SRFBP1: variants seen among roughly 807,000 people sequenced by gnomAD.
The protein encoded by SRFBP1 is serum response factor binding protein 1.
In SRFBP1, 47 loss-of-function variants were observed where a neutral mutation model predicts 45.5. That is an observed-to-expected ratio of 1.03 (90% CI 0.82 to 1.32). SRFBP1 has a LOEUF of 1.32. Ranked by LOEUF, SRFBP1 falls within the 40% of genes most tolerant of loss-of-function variation. SRFBP1 has a pLI of 0.00. For missense variants in SRFBP1, 621 were observed against 484.6 expected (o/e 1.28, Z -2.64); for synonymous variants, 203 against 166.3 (o/e 1.22, Z -1.70).
At chr5:121,988,225 A>G (rs1752554126) in intron 3 of SRFBP1, among the ~76,000 whole-genome samples, 1 of 152,208 alleles carries the variant, frequency 6.6e-6, no homozygotes, top group Non-Finnish European at 1.5e-5. Context: ...AAAGCAGAAT[A>G]CAAGGATTCT....
chr5:122,054,331 A>C (rs1754040103), intron 2 of SRFBP1, among the ~76,000 whole-genome samples: 1 of 152,114 alleles, frequency 6.6e-6, no homozygotes, highest in African/African-American at 2.4e-5. Context: ...CCTGTATTGG[A>C]GAGGTTTTCC....
At chr5:122,033,898 A>C (rs865774572) in intron 2 of SRFBP1, among the ~76,000 whole-genome samples, 1 of 134,654 alleles carries the variant, frequency 7.4e-6, no homozygotes, top group East Asian at 2.2e-4. Context: ...ATCTCGGCTC[A>C]CTGCAGCCTC....
intron 4 of SRFBP1, among the ~76,000 whole-genome samples, chr5:122,002,817 A>C (rs1752898217): frequency 6.6e-6 from 1 of 152,222 alleles, no homozygotes; most frequent in South Asian, 2.1e-4. Context: ...CTGAAGATTA[A>C]AAAGTTCTTT....
chr5:122,036,257 C>G (rs1004120589), intron 2 of SRFBP1, among the ~76,000 whole-genome samples: 1 of 152,092 alleles, frequency 6.6e-6, no homozygotes, highest in African/African-American at 2.4e-5. Context: ...ATGGTGAGTA[C>G]TCATCTGTGC....
downstream of SRFBP1, among the ~76,000 whole-genome samples, chr5:122,076,592 G>C (rs1754641996): frequency 6.6e-6 from 1 of 152,130 alleles, no homozygotes; most frequent in Non-Finnish European, 1.5e-5. Context: ...AAAGTGATTG[G>C]AACAATTGAC....
chr5:122,066,788 GATAAT>G (rs768698113), intron 2 of SRFBP1: 1 of 1,347,212 alleles, frequency 7.4e-7, no homozygotes, highest in South Asian at 1.2e-5. Context: ...TTATTAACCT[GATAAT>G]ATAATGAATG....
intron 2 of SRFBP1, among the ~76,000 whole-genome samples, chr5:122,073,764 C>G (rs959279479): frequency 1.3e-5 from 2 of 152,130 alleles, no homozygotes; most frequent in Non-Finnish European, 2.9e-5. Flanking sequence ...CATCATTTGC[C>G]TTTTCCCAAT....
intron 2 of SRFBP1, chr5:122,065,991 G>A (rs975317122): frequency 1.3e-5 from 2 of 151,996 alleles, no homozygotes; most frequent in African/African-American, 2.4e-5. Context: ...TCTGCCCATG[G>A]GAAAGATAAA....
At chr5:121,984,940 A>G (rs1752482238) in intron 3 of SRFBP1, among the ~76,000 whole-genome samples, 1 of 151,874 alleles carries the variant, frequency 6.6e-6, no homozygotes, top group Non-Finnish European at 1.5e-5. Flanking sequence ...GATATTTTTT[A>G]GTCTGGTACT....
chr5:121,985,327 G>C (rs1045273694), intron 3 of SRFBP1, among the ~76,000 whole-genome samples: 2 of 151,422 alleles, frequency 1.3e-5, no homozygotes, highest in African/African-American at 4.8e-5. Flanking sequence ...TTTGGTGTTG[G>C]GTTTTGTTTT....
intron 4 of SRFBP1, among the ~76,000 whole-genome samples, chr5:122,002,618 TTAG>T (rs1376708184): frequency 6.6e-6 from 1 of 152,202 alleles, no homozygotes; most frequent in Non-Finnish European, 1.5e-5. Context: ...ACTGGCATCA[TTAG>T]TAGTTCATGG....
chr5:122,025,478 A>G (rs933635498), intron 7 of SRFBP1, among the ~76,000 whole-genome samples: 4 of 152,296 alleles, frequency 2.6e-5, no homozygotes, highest in East Asian at 1.9e-4. Flanking sequence ...TATATACCCA[A>G]TAATAGGATG....
chr5:121,966,412 C>T (rs1044353884), intron 1 of SRFBP1, among the ~76,000 whole-genome samples: 3 of 152,184 alleles, frequency 2.0e-5, no homozygotes, highest in African/African-American at 7.2e-5. Context: ...TAACCTCCAG[C>T]ACAGTACCTT....
At chr5:122,059,902 G>T (rs1754144589) in intron 2 of SRFBP1, among the ~76,000 whole-genome samples, 1 of 152,080 alleles carries the variant, frequency 6.6e-6, no homozygotes. Context: ...GGAAAGAGTA[G>T]CAATTGTAGA....
intron 2 of SRFBP1, chr5:122,065,015 A>G (rs988132983): frequency 6.6e-6 from 1 of 152,094 alleles, no homozygotes; most frequent in Non-Finnish European, 1.5e-5. Context: ...ATTTGAAAGG[A>G]TCATTCTACA....
chr5:122,058,626 C>A (rs74555356), intron 2 of SRFBP1, among the ~76,000 whole-genome samples: 1 of 151,240 alleles, frequency 6.6e-6, no homozygotes. Context: ...TAATACCTAT[C>A]GTTATATATC....
chr5:121,999,005 T>G (rs1752797091), intron 4 of SRFBP1, among the ~76,000 whole-genome samples: 1 of 152,202 alleles, frequency 6.6e-6, no homozygotes. Context: ...TCATTGATTT[T>G]TGCTCCATTC....
At chr5:121,962,551 C>T (rs145730112) in intron 1 of SRFBP1, among the ~76,000 whole-genome samples, 1 of 152,334 alleles carries the variant, frequency 6.6e-6, no homozygotes, top group Non-Finnish European at 1.5e-5. Context: ...TTCGTTTCCT[C>T]TTCCAGTTAG....
At chr5:121,997,708 T>C (rs1174620588) in intron 4 of SRFBP1, among the ~76,000 whole-genome samples, 2 of 151,430 alleles carry the variant, frequency 1.3e-5, no homozygotes, top group Non-Finnish European at 3.0e-5. Context: ...CAAAAGAAAC[T>C]ACCATCAGAG....
Sources: allele counts gnomAD v4.1 joint callset (sites outside exome capture counted in the v4.1 genomes callset), GRCh38; gene constraint gnomAD v4.1.1; transcripts MANE v1.5; gene names NCBI Gene and HGNC (gene_info 2026-07-23, HGNC 2026-07-21).